Variants in PRR16 observed in about 807,000 individuals in gnomAD.
The protein encoded by PRR16 is protein Largen.
In PRR16, 6 loss-of-function variants were observed where a neutral mutation model predicts 18.2. The observed-to-expected ratio is 0.33, with a 90% CI of 0.18 to 0.65. PRR16 has a LOEUF of 0.65. PRR16 is among the 30% of genes least tolerant of loss of function. PRR16 has a pLI of 0.74. For missense variants in PRR16, 412 were observed against 376.6 expected, an observed-to-expected ratio of 1.09 and a Z score of -0.78; for synonymous variants, 151 against 147.8, an observed-to-expected ratio of 1.02 and a Z score of -0.16.
chr5:120,729,111 C>G, the PRR16 span, among the ~76,000 whole-genome samples: 1 of 152,062 alleles, frequency 6.6e-6, no homozygotes, highest in South Asian at 2.1e-4. Flanking sequence ...TAAAGTGTTA[C>G]ATTGTAAAAC....
At chr5:120,790,790 C>A in the PRR16 span, 1 of 151,466 alleles carries the variant, frequency 6.6e-6, no homozygotes, top group Middle Eastern at 3.4e-3. Flanking sequence ...CAGTTTTTTG[C>A]AGGAATCCAA....
rs1030813241 is a variant in PRR16, at chr5:120,588,820, C to A, written c.160-97134C>A. Among the ~76,000 whole-genome samples the A allele has an allele frequency of 3.7e-4, 56 of 152,160 alleles. 1 individual carries two copies. The highest frequency in any genetic ancestry group is 1.2e-3 in the African/African-American group (51 of 41,530). Reference sequence around the variant, plus strand: ...AACATGCTCTTAACCCGGAATAAAACTTCCTTTTCTCTGTTCCTAATTTCA... The same window carrying A: ...AACATGCTCTTAACCCGGAATAAAAATTCCTTTTCTCTGTTCCTAATTTCA... On this transcript the variant is annotated intron_variant, in intron 1 of 1. Coordinates refer to ENST00000407149, the MANE Select transcript of PRR16 (RefSeq NM_001300783.2).
intron 1 of PRR16, among the ~76,000 whole-genome samples, chr5:120,670,181 A>G (rs1403174681): frequency 6.6e-6 from 1 of 152,100 alleles, no homozygotes; most frequent in African/African-American, 2.4e-5. Flanking sequence ...GTTAGAAAAA[A>G]TATTCTATGT....
intron 1 of PRR16, among the ~76,000 whole-genome samples, chr5:120,543,104 A>G (rs1751965858): frequency 6.6e-6 from 1 of 152,154 alleles, no homozygotes; most frequent in Admixed American, 6.5e-5. Context: ...ATAAATCCAT[A>G]GGCTGAAATA....
At chr5:120,681,135 T>C (rs935767118) in intron 1 of PRR16, among the ~76,000 whole-genome samples, 1 of 152,192 alleles carries the variant, frequency 6.6e-6, no homozygotes, top group African/African-American at 2.4e-5. Flanking sequence ...TACACTCTTG[T>C]AATTGCAAAT....
intron 1 of PRR16, among the ~76,000 whole-genome samples, chr5:120,555,191 C>T (rs1296574367): frequency 6.6e-6 from 1 of 151,838 alleles, no homozygotes; most frequent in Non-Finnish European, 1.5e-5. Flanking sequence ...TTTTCTCATT[C>T]AGAACATTTT....
chr5:120,465,339 C>T (rs1749041378), intron 1 of PRR16, among the ~76,000 whole-genome samples: 1 of 152,250 alleles, frequency 6.6e-6, no homozygotes, highest in Non-Finnish European at 1.5e-5. Flanking sequence ...CTTCCTTCCA[C>T]CCTGTCGCCA....
chr5:120,670,982 A>T (rs975691600), intron 1 of PRR16, among the ~76,000 whole-genome samples: 1 of 152,112 alleles, frequency 6.6e-6, no homozygotes, highest in African/African-American at 2.4e-5. Context: ...AACCCCACTC[A>T]TTAGCATGGT....
chr5:120,668,530 A>G (rs930376944), intron 1 of PRR16, among the ~76,000 whole-genome samples: 10 of 152,052 alleles, frequency 6.6e-5, no homozygotes, highest in Non-Finnish European at 1.2e-4. Flanking sequence ...TCGTTAGTTG[A>G]TGGAGTTTCT....
chr5:120,468,640 CT>C (rs931974918), intron 1 of PRR16, among the ~76,000 whole-genome samples: 16 of 152,230 alleles, frequency 1.1e-4, no homozygotes, highest in Admixed American at 8.5e-4. Context: ...AGCAATATGC[CT>C]GTTCTTTTAT....
intron 1 of PRR16, among the ~76,000 whole-genome samples, chr5:120,482,652 G>A (rs1749658254): frequency 6.6e-6 from 1 of 152,130 alleles, no homozygotes; most frequent in Non-Finnish European, 1.5e-5. Flanking sequence ...ACCTGGCAAT[G>A]GGATTGCTGG....
At chr5:120,610,542 G>A (rs1170942153) in intron 1 of PRR16, among the ~76,000 whole-genome samples, 2 of 151,926 alleles carry the variant, frequency 1.3e-5, no homozygotes, top group African/African-American at 4.8e-5. Context: ...AATCACGGGG[G>A]CCAGTCTTTC....
chr5:120,771,451 C>T, the PRR16 span, among the ~76,000 whole-genome samples: 1 of 152,046 alleles, frequency 6.6e-6, no homozygotes, highest in African/African-American at 2.4e-5. Flanking sequence ...TGGCAGTTTA[C>T]ATCATCATCC....
intron 1 of PRR16, among the ~76,000 whole-genome samples, chr5:120,642,812 T>A (rs6892203): frequency 0.43 from 65,197 of 151,748 alleles, 14,928 homozygotes; most frequent in East Asian, 0.86. Flanking sequence ...AAACACTCTT[T>A]CTCTGTATGC....
Position 120,566,252 on chromosome 5 carries a change from A to G in PRR16, c.159+101607A>G, listed in dbSNP as rs183534849. ...TGATCCCTTCCTCAAGGCCCTCACCAGATGTGGACTCTGAATCTTGGACTT... is the reference window on the plus strand; with the variant it reads ...TGATCCCTTCCTCAAGGCCCTCACCGGATGTGGACTCTGAATCTTGGACTT... On this transcript the variant is annotated intron_variant, in intron 1 of 1. Coordinates refer to ENST00000407149, the MANE Select transcript of PRR16 (RefSeq NM_001300783.2). Among the ~76,000 whole-genome samples the G allele has an allele frequency of 1.9e-3, 292 of 152,276 alleles. 1 individual carries two copies. Among genetic ancestry groups the G allele is most frequent in the African/African-American group, 5.6e-3 (233 of 41,556 alleles).
chr5:120,536,910 G>C (rs1423049889), intron 1 of PRR16, among the ~76,000 whole-genome samples: 1 of 152,220 alleles, frequency 6.6e-6, no homozygotes, highest in Non-Finnish European at 1.5e-5. Context: ...TGTAGAGCTG[G>C]AGGCTACTAT....
intron 1 of PRR16, among the ~76,000 whole-genome samples, chr5:120,569,645 C>A (rs758663106): frequency 1.3e-5 from 2 of 152,026 alleles, no homozygotes; most frequent in African/African-American, 2.4e-5. Flanking sequence ...AACAAAACAT[C>A]ACCCCACAAA....
At chr5:120,708,978 CTTTTTTTTTTTTTTTTTTTTTTTTTTTT>C in the PRR16 span, among the ~76,000 whole-genome samples, 2 of 43,650 alleles carry the variant, frequency 4.6e-5, no homozygotes, top group Admixed American at 3.7e-4. Context: ...CTCTTTGGTA[CTTTTTTTTTTTTTTTTTTTTTTTTTTTT>C]TTTTTTTTTT....
At chr5:120,724,791 A>G in the PRR16 span, among the ~76,000 whole-genome samples, 1 of 152,002 alleles carries the variant, frequency 6.6e-6, no homozygotes, top group Non-Finnish European at 1.5e-5. Flanking sequence ...CATGTAACTC[A>G]TTTATTGTTT....
Sources: allele counts gnomAD v4.1 joint callset (sites outside exome capture counted in the v4.1 genomes callset), GRCh38; gene constraint gnomAD v4.1.1; transcripts MANE v1.5; gene names NCBI Gene and HGNC (gene_info 2026-07-23, HGNC 2026-07-21).